WIPF1: variants seen among roughly 807,000 people sequenced by gnomAD.
The protein encoded by WIPF1 is WAS/WASL-interacting protein family member 1.
Under a neutral mutation model 35.4 loss-of-function variants are expected in WIPF1, and 13 were observed. The ratio of observed to expected loss-of-function variants is 0.37; its 90% CI spans 0.24 to 0.58. The LOEUF is 0.58. Among genes scored for constraint, WIPF1 ranks in the 20% least tolerant of loss-of-function variants. The pLI is 0.74. For missense variants in WIPF1, 591 were observed against 667.0 expected, an observed-to-expected ratio of 0.89 and a Z score of 1.25; for synonymous variants, 267 against 266.3, an observed-to-expected ratio of 1.00 and a Z score of -0.02.
intron 1 of WIPF1, among the ~76,000 whole-genome samples, chr2:174,646,039 T>C (rs909325528): frequency 3.9e-5 from 6 of 152,156 alleles, no homozygotes; most frequent in African/African-American, 1.2e-4. Context: ...CATCTTACAT[T>C]TGGTGCTCCT....
At chr2:174,678,319 T>C (rs1438695635) in intron 1 of WIPF1, among the ~76,000 whole-genome samples, 1 of 152,234 alleles carries the variant, frequency 6.6e-6, no homozygotes. Flanking sequence ...ATTCCTTCAA[T>C]GTGAACCCTG....
chr2:174,577,552 T>C (rs1372746896), intron 3 of WIPF1, among the ~76,000 whole-genome samples: 1 of 152,238 alleles, frequency 6.6e-6, no homozygotes, highest in Non-Finnish European at 1.5e-5. Flanking sequence ...CATGAAATTT[T>C]ATCAAATGCC....
chr2:174,647,305 G>T (rs1159911794), intron 1 of WIPF1, among the ~76,000 whole-genome samples: 1 of 151,850 alleles, frequency 6.6e-6, no homozygotes, highest in Non-Finnish European at 1.5e-5. Context: ...TTCAGGCCAG[G>T]AGTCCGAGGC....
intron 5 of WIPF1, among the ~76,000 whole-genome samples, 174 bp from the exon 6 acceptor site, chr2:174,568,247 A>C (rs1030657310): frequency 2.0e-5 from 3 of 152,194 alleles, no homozygotes; most frequent in African/African-American, 7.2e-5. Context: ...AAAATTGCAC[A>C]TGTGTACACA....
Position 174,647,908 on chromosome 2 carries a change from A to G in WIPF1, c.-39+34866T>C, listed in dbSNP as rs954510748. Among the ~76,000 whole-genome samples, 7 of 152,328 alleles carry G rather than the reference A, an allele frequency of 4.6e-5. No individual in the cohort carries two copies. In the East Asian group the frequency reaches 9.6e-4, roughly 21 times the overall value. On this transcript the variant is annotated intron_variant, in intron 1 of 8. Transcript: ENST00000272746. ...GATTAAAGAGATAGGTTATTCTTCA[A>G]TGCTTCTGGGATTGGGATATGTTTT... is the stretch of plus-strand genomic sequence containing the variant.
rs145037448 is a variant in WIPF1, at chr2:174,575,350, C to A, written c.212G>T (p.Gly71Val). Residue 71 changes from glycine (G) to valine (V), a missense_variant, in exon 4 of 8, where the codon GGT becomes GTT. Physicochemically the swap from Gly to Val is moderately radical, Grantham distance 109. Around this residue, in one of 3 missense-constraint regions of WIPF1, gnomAD observed 471 missense variants for 501.1 expected, o/e 0.94. Transcript: ENST00000679041. Reference protein sequence around the residue: ...KPKGAGAGGGGGGFGGGGGFG... With the variant: ...KPKGAGAGGGVGGFGGGGGFG... ...TCCGCCGCCTCCACCAAAGCCACCA[C>A]CACCGCCTCCAGCACCAGCTCCTTT... 6.2e-7 allele frequency: 1 copy of A among 1,613,090 alleles called. No homozygotes were observed. Among genetic ancestry groups the A allele is most frequent in the Non-Finnish European group, 8.5e-7 (1 of 1,179,516 alleles).
chr2:174,584,348 C>A (rs1268170427), intron 2 of WIPF1, among the ~76,000 whole-genome samples: 10 of 152,114 alleles, frequency 6.6e-5, no homozygotes, highest in Admixed American at 6.6e-4. Flanking sequence ...ATAGGCAGTT[C>A]TTCTCACTAG....
At chr2:174,616,606 A>T (rs1402293043) in intron 1 of WIPF1, among the ~76,000 whole-genome samples, 1 of 152,188 alleles carries the variant, frequency 6.6e-6, no homozygotes, top group Non-Finnish European at 1.5e-5. Flanking sequence ...CTTTAAGATG[A>T]CCAACATTGA....
chr2:174,658,892 C>T (rs1389937138), intron 1 of WIPF1, among the ~76,000 whole-genome samples: 1 of 151,840 alleles, frequency 6.6e-6, no homozygotes, highest in African/African-American at 2.4e-5. Context: ...AAAAGGATCC[C>T]GCAGACATGA....
chr2:174,633,276 C>T (rs1384413671), intron 1 of WIPF1, among the ~76,000 whole-genome samples: 38 of 152,082 alleles, frequency 2.5e-4, no homozygotes, highest in Admixed American at 2.5e-3. Flanking sequence ...AGTTATTTGG[C>T]ATTACTAGGA....
intron 1 of WIPF1, among the ~76,000 whole-genome samples, chr2:174,603,108 G>C (rs980054526): frequency 4.6e-5 from 7 of 152,130 alleles, no homozygotes; most frequent in African/African-American, 1.2e-4. Flanking sequence ...AGGATGTAGG[G>C]GATGGGCCTG....
At chr2:174,656,393 A>G (rs1687641633) in intron 1 of WIPF1, 1 of 152,274 alleles carries the variant, frequency 6.6e-6, no homozygotes. Flanking sequence ...AATAAGTTTC[A>G]TGCAAAGACA....
intron 1 of WIPF1, among the ~76,000 whole-genome samples, chr2:174,612,492 A>G (rs992772037): frequency 1.2e-4 from 18 of 152,202 alleles, no homozygotes; most frequent in African/African-American, 4.1e-4. Flanking sequence ...TATAATTAAT[A>G]TACTTGCATC....
chr2:174,609,800 C>T (rs962875348), intron 1 of WIPF1, among the ~76,000 whole-genome samples: 1 of 152,172 alleles, frequency 6.6e-6, no homozygotes, highest in African/African-American at 2.4e-5. Flanking sequence ...GCCTGAGCTC[C>T]GTTTAAAGTC....
At chr2:174,607,023 G>A (rs972575781) in intron 1 of WIPF1, among the ~76,000 whole-genome samples, 1 of 152,170 alleles carries the variant, frequency 6.6e-6, no homozygotes, top group South Asian at 2.1e-4. Flanking sequence ...GGCAGGGAAG[G>A]AAGGAAACAG....
At chr2:174,581,917 A>G (rs942094080) in intron 2 of WIPF1, among the ~76,000 whole-genome samples, 1 of 152,206 alleles carries the variant, frequency 6.6e-6, no homozygotes, top group Non-Finnish European at 1.5e-5. Context: ...TAAACCCACT[A>G]AAGTTCTAGA....
At chr2:174,645,056 G>GGA (rs1559171079) in intron 1 of WIPF1, among the ~76,000 whole-genome samples, 7 of 152,032 alleles carry the variant, frequency 4.6e-5, no homozygotes, top group Admixed American at 2.0e-4. Context: ...AGGGATAAAG[G>GGA]TATAGCAAGT....
At chr2:174,613,951 A>C (rs914473499) in intron 1 of WIPF1, among the ~76,000 whole-genome samples, 11 of 152,190 alleles carry the variant, frequency 7.2e-5, no homozygotes, top group Non-Finnish European at 1.6e-4. Context: ...CATTTATCTA[A>C]AACTCATTTT....
intron 1 of WIPF1, among the ~76,000 whole-genome samples, chr2:174,595,139 T>TAA (rs1553529808): frequency 2.0e-5 from 2 of 101,852 alleles, no homozygotes; most frequent in Admixed American, 1.2e-4. Flanking sequence ...TATATATATA[T>TAA]AATTAACTGG....
Sources: gnomAD v4.1 joint callset for allele counts (sites outside exome capture counted in the v4.1 genomes callset) on GRCh38, gnomAD v4.1.1 for gene constraint, gnomAD v4.1.1 regional missense constraint, MANE v1.5 for transcripts, NCBI Gene and HGNC (gene_info 2026-07-23, HGNC 2026-07-21) for gene names.